Variants in DNM3 observed in about 807,000 individuals in gnomAD.
DNM3 encodes dynamin-3.
A neutral mutation model predicts 101.6 loss-of-function variants in DNM3; 47 were observed. The observed-to-expected ratio is 0.46, with a 90% CI of 0.37 to 0.59. The LOEUF (loss-of-function observed/expected upper bound fraction) is 0.59. DNM3 is among the 20% of genes least tolerant of loss of function. DNM3 has a pLI of 0.00. For missense variants in DNM3, 849 were observed against 1,085.7 expected, an observed-to-expected ratio of 0.78 and a Z score of 3.06; for synonymous variants, 385 against 387.9, an observed-to-expected ratio of 0.99 and a Z score of 0.09.
At chr1:172,218,632 A>T (rs1041508334) in intron 14 of DNM3, among the ~76,000 whole-genome samples, 3 of 152,136 alleles carry the variant, frequency 2.0e-5, no homozygotes, top group African/African-American at 7.2e-5. Flanking sequence ...TTCTAAAAAA[A>T]ATCTGAATTC....
chr1:171,973,385 T>C (rs1298097634), intron 2 of DNM3, among the ~76,000 whole-genome samples: 1 of 152,222 alleles, frequency 6.6e-6, no homozygotes, highest in Admixed American at 6.5e-5. Context: ...GATTAATTGT[T>C]ACATATTTAC....
intron 17 of DNM3, among the ~76,000 whole-genome samples, chr1:172,344,254 A>T (rs1213260300): frequency 6.6e-6 from 1 of 152,184 alleles, no homozygotes; most frequent in East Asian, 1.9e-4. Context: ...AATTAATGGG[A>T]TGAGGAATTG....
At chr1:172,172,134 C>G (rs911716328) in intron 14 of DNM3, among the ~76,000 whole-genome samples, 3 of 151,634 alleles carry the variant, frequency 2.0e-5, no homozygotes, top group South Asian at 2.1e-4. Flanking sequence ...CCCTAAAGAA[C>G]TGAAACTCCA....
At chr1:172,104,515 TTAAC>T (rs1320866308) in intron 13 of DNM3, among the ~76,000 whole-genome samples, 6 of 152,160 alleles carry the variant, frequency 3.9e-5, no homozygotes, top group African/African-American at 1.4e-4. Flanking sequence ...TTGATATTTT[TTAAC>T]TTTTACTGAT....
At chr1:171,889,307 T>G (rs992459297) in intron 1 of DNM3, among the ~76,000 whole-genome samples, 6 of 152,016 alleles carry the variant, frequency 3.9e-5, no homozygotes, top group African/African-American at 9.7e-5. Flanking sequence ...GAGAGGCGTA[T>G]GGACAAGGTG....
At chr1:171,881,783 A>G (rs551311305) in intron 1 of DNM3, among the ~76,000 whole-genome samples, 1 of 152,348 alleles carries the variant, frequency 6.6e-6, no homozygotes, top group South Asian at 2.1e-4. Context: ...TTCCAGATTC[A>G]GCAAAGATGT....
chr1:171,965,715 C>G (rs1414966738), intron 2 of DNM3, among the ~76,000 whole-genome samples: 1 of 152,148 alleles, frequency 6.6e-6, no homozygotes, highest in East Asian at 1.9e-4. Context: ...ATGCATTTAA[C>G]AATCTTGAAG....
At chr1:172,244,112 G>A (rs1452014142) in intron 14 of DNM3, among the ~76,000 whole-genome samples, 18 of 151,962 alleles carry the variant, frequency 1.2e-4, no homozygotes, top group East Asian at 7.8e-4. Flanking sequence ...GAGAATATGC[G>A]GTGTTTGGTT....
intron 12 of DNM3, among the ~76,000 whole-genome samples, chr1:172,089,140 T>C (rs2053734104): frequency 6.6e-6 from 1 of 152,166 alleles, no homozygotes; most frequent in Non-Finnish European, 1.5e-5. Context: ...AGAAGCACTT[T>C]GTTTTTGCTT....
At chr1:172,144,416 C>G (rs1401148579) in intron 14 of DNM3, 2 of 235,126 alleles carry the variant, frequency 8.5e-6, no homozygotes, top group Non-Finnish European at 9.0e-6. Flanking sequence ...CCGAGGGCTT[C>G]TTGGTCCCTA....
At chr1:172,392,555 T>C (rs1194004553) in intron 20 of DNM3, among the ~76,000 whole-genome samples, 2 of 152,238 alleles carry the variant, frequency 1.3e-5, no homozygotes, top group African/African-American at 4.8e-5. Context: ...TTTTCAGATA[T>C]AGCTTCTTAA....
intron 2 of DNM3, among the ~76,000 whole-genome samples, chr1:171,949,936 C>T (rs116652992): frequency 6.6e-6 from 1 of 152,046 alleles, no homozygotes; most frequent in African/African-American, 2.4e-5. Flanking sequence ...CAGTATTTAC[C>T]CAAGAGAAAT....
intron 4 of DNM3, among the ~76,000 whole-genome samples, chr1:172,021,871 G>C (rs1235035532): frequency 6.6e-6 from 1 of 152,138 alleles, no homozygotes; most frequent in Non-Finnish European, 1.5e-5. Context: ...TATTAGGAGG[G>C]CAAGAACTGT....
intron 2 of DNM3, among the ~76,000 whole-genome samples, chr1:171,931,885 G>T (rs1440003966): frequency 6.6e-6 from 1 of 152,086 alleles, no homozygotes; most frequent in African/African-American, 2.4e-5. Flanking sequence ...ATTGCCACTA[G>T]AATTATTTTA....
intron 4 of DNM3, among the ~76,000 whole-genome samples, chr1:171,996,402 C>G (rs1013036615): frequency 2.6e-5 from 4 of 152,008 alleles, no homozygotes; most frequent in Non-Finnish European, 5.9e-5. Context: ...GGGTGAGATC[C>G]TATTTTGGGG....
intron 1 of DNM3, among the ~76,000 whole-genome samples, chr1:171,919,538 TC>T (rs1423893313): frequency 6.6e-6 from 1 of 152,218 alleles, no homozygotes; most frequent in East Asian, 1.9e-4. Flanking sequence ...AGCTCTTTAC[TC>T]TGGAGTTTTG....
intron 4 of DNM3, among the ~76,000 whole-genome samples, chr1:171,993,821 C>G (rs750503251): frequency 6.6e-6 from 1 of 151,962 alleles, no homozygotes; most frequent in Non-Finnish European, 1.5e-5. Context: ...GGAACAATCT[C>G]AATTGATCTG....
chr1:172,114,198 G>T (rs977331766), intron 13 of DNM3, among the ~76,000 whole-genome samples: 14 of 152,190 alleles, frequency 9.2e-5, no homozygotes, highest in Non-Finnish European at 1.9e-4. Context: ...TCTGAAGAGG[G>T]ATGGTATAAG....
At chr1:172,204,918 T>A (rs1048793346) in intron 14 of DNM3, among the ~76,000 whole-genome samples, 1 of 152,116 alleles carries the variant, frequency 6.6e-6, no homozygotes, top group Non-Finnish European at 1.5e-5. Flanking sequence ...TGGGACAGTG[T>A]TTTACAAGTT....
Sources: allele counts gnomAD v4.1 joint callset (sites outside exome capture counted in the v4.1 genomes callset), GRCh38; gene constraint gnomAD v4.1.1; transcripts MANE v1.5; gene names NCBI Gene and HGNC (gene_info 2026-07-23, HGNC 2026-07-21).